MAEL: variants seen among roughly 807,000 people sequenced by gnomAD.
MAEL encodes the protein maelstrom spermatogenic transposon silencer.
In MAEL, 46 loss-of-function variants were observed where a neutral mutation model predicts 62.0. The observed-to-expected ratio is 0.74, with a 90% CI of 0.59 to 0.95. The LOEUF (loss-of-function observed/expected upper bound fraction) is 0.95. Ranked by LOEUF, MAEL falls within the 40% of genes least tolerant of loss-of-function variation. The pLI is 0.00. For synonymous variants in MAEL, 172 were observed against 175.5 expected (o/e 0.98, Z 0.16); for missense variants, 497 against 526.8 (o/e 0.94, Z 0.55).
At position 167,021,108 on chromosome 1, in the gene MAEL, A is replaced by G. The variant is rs778841082; in HGVS notation, c.1065A>G (p.Gly355=). 6.2e-7 allele frequency: 1 copy of G among 1,612,358 alleles called. No individual in the cohort carries two copies. Among genetic ancestry groups the G allele is most frequent in the Non-Finnish European group, 8.5e-7 (1 of 1,178,818 alleles). ...AGAAGCTAAGGGTTGGGAGTTCAGG[A>G]TTCTCTCATTTCAACTCTTCTAATG... is the stretch of plus-strand genomic sequence containing the variant. ...RYQKLRVGSS[G]FSHFNSSNEE... Residue 355 remains glycine, a synonymous_variant, in exon 11 of 12, where the codon GGA becomes GGG. Transcript: ENST00000367872.
chr1:166,997,611 G>A (rs898021384), intron 5 of MAEL, among the ~76,000 whole-genome samples: 6 of 152,146 alleles, frequency 3.9e-5, no homozygotes, highest in African/African-American at 1.4e-4. Flanking sequence ...TGCAGTCGTA[G>A]CTCACTGCAG....
rs1252574634 is a variant in MAEL at position 167,006,616 on chromosome 1, T to C, written c.845+1219T>C. On this transcript the variant is annotated intron_variant, in intron 8 of 11. Coordinates refer to ENST00000367872, the MANE Select transcript of MAEL (RefSeq NM_032858.3). Reference sequence around the variant, plus strand: ...TGGTTTTTTACTATATATATATATATATATATATATATATATATATACATT... The same window carrying C: ...TGGTTTTTTACTATATATATATATACATATATATATATATATATATACATT... Among the ~76,000 whole-genome samples the C allele has an allele frequency of 9.3e-4, 72 of 77,574 alleles. 4 individuals carry two copies. Among genetic ancestry groups the C allele is most frequent in the Non-Finnish European group, 1.3e-3 (49 of 38,694 alleles). The allele number at this position is 77,574 out of a possible 152,430, so 50.9% of individuals were successfully genotyped here.
Position 167,017,078 on chromosome 1 carries a change from C to G in MAEL, c.909-749C>G, listed in dbSNP as rs181792415. ...TAAGGCCTAGTATTTGATAGCACAACAGAGTGACTATAGTCAATAATAATT... is the reference window on the plus strand; with the variant it reads ...TAAGGCCTAGTATTTGATAGCACAAGAGAGTGACTATAGTCAATAATAATT... On this transcript the variant is annotated intron_variant, in intron 9 of 11. Coordinates refer to ENST00000367872, the MANE Select transcript of MAEL (RefSeq NM_032858.3). Among the ~76,000 whole-genome samples the G allele has an allele frequency of 1.3e-3, 202 of 152,202 alleles. 2 individuals carry two copies. The highest frequency in any genetic ancestry group is 4.5e-3 in the African/African-American group (185 of 41,542).
intron 5 of MAEL, among the ~76,000 whole-genome samples, chr1:167,002,578 C>T (rs1413712411): frequency 6.6e-6 from 1 of 152,138 alleles, no homozygotes; most frequent in South Asian, 2.1e-4. Context: ...AAGCTGGAGT[C>T]ACTAGCATCT....
intron 8 of MAEL, among the ~76,000 whole-genome samples, chr1:167,007,866 A>C (rs1352377265): frequency 6.6e-6 from 1 of 152,110 alleles, no homozygotes; most frequent in African/African-American, 2.4e-5. Context: ...TTAGTCTGAA[A>C]GTATATAGTC....
intron 5 of MAEL, among the ~76,000 whole-genome samples, chr1:166,994,974 ATTTT>A (rs944951589): frequency 9.1e-6 from 1 of 110,186 alleles, no homozygotes. Flanking sequence ...CCACCCAGTA[ATTTT>A]TTTTTTTTTT....
chr1:167,013,482 T>G (rs6655947), intron 8 of MAEL, among the ~76,000 whole-genome samples: 61,250 of 152,062 alleles, frequency 0.4, 13,441 homozygotes, highest in African/African-American at 0.59. Context: ...ACTGGGATTC[T>G]GGATGTAATA....
At chr1:166,984,992 G>A (rs1663871456), upstream of MAEL, among the ~76,000 whole-genome samples, 1 of 152,208 alleles carries the variant, frequency 6.6e-6, no homozygotes, top group Non-Finnish European at 1.5e-5. Context: ...GGAAATGAAT[G>A]TATCCAGTAG....
At chr1:167,004,076 A>G in intron 5 of MAEL, 104 bp from the exon 6 acceptor site, 4 of 961,456 alleles carry the variant, frequency 4.2e-6, no homozygotes, top group Non-Finnish European at 6.2e-6. Context: ...CAAGTACTTA[A>G]CTGTGTGTTA....
Position 167,004,246 on chromosome 1 carries a change from A to G in MAEL, c.590A>G (p.Gln197Arg). ...ERGHNQATVL[Q>R]NLYRFIHPNP... The stretch of plus-strand genomic sequence containing the variant: ...GGGCATAACCAAGCAACTGTGTTAC[A>G]AAACCTTTATAGATTTATTCATCCC... The change falls in exon 6 of 12, where the codon CAA becomes CGA. Residue 197 changes from glutamine (Q) to arginine (R), a missense_variant. Gln to Arg is a conservative substitution (Grantham distance 43, BLOSUM62 1). Coordinates refer to ENST00000367872, the MANE Select transcript of MAEL (RefSeq NM_032858.3). The G allele has an allele frequency of 6.2e-7, 1 of 1,609,784 alleles. No homozygotes were observed. The highest frequency in any genetic ancestry group is 8.5e-7 in the Non-Finnish European group (1 of 1,177,994).
intron 4 of MAEL, among the ~76,000 whole-genome samples, chr1:166,993,763 C>T (rs1200613198): frequency 6.6e-6 from 1 of 152,172 alleles, no homozygotes; most frequent in Non-Finnish European, 1.5e-5. Context: ...AGCTAAGACT[C>T]TTTTGACACA....
intron 5 of MAEL, among the ~76,000 whole-genome samples, chr1:167,001,754 CA>C (rs766800129): frequency 6.6e-6 from 1 of 152,122 alleles, no homozygotes; most frequent in Non-Finnish European, 1.5e-5. Context: ...TTCTGCATGT[CA>C]TATGATTTTT....
chr1:167,001,222 G>A (rs1664648377), intron 5 of MAEL, among the ~76,000 whole-genome samples: 1 of 152,112 alleles, frequency 6.6e-6, no homozygotes, highest in South Asian at 2.1e-4. Flanking sequence ...GGATGCAAAG[G>A]CATAAGAATG....
chr1:166,983,396 T>C (rs1410102032), intron 1 of MAEL, among the ~76,000 whole-genome samples: 1 of 152,188 alleles, frequency 6.6e-6, no homozygotes, highest in African/African-American at 2.4e-5. Context: ...CTTCACTCTC[T>C]CCTTAGATGA....
intron 5 of MAEL, among the ~76,000 whole-genome samples, chr1:166,995,883 G>A (rs889046388): frequency 2.0e-5 from 3 of 151,856 alleles, no homozygotes; most frequent in Admixed American, 6.6e-5. Flanking sequence ...TATTTTTGAC[G>A]ACCTATTTTT....
chr1:167,010,668 G>A (rs1354454814), intron 8 of MAEL, among the ~76,000 whole-genome samples: 1 of 152,026 alleles, frequency 6.6e-6, no homozygotes, highest in Non-Finnish European at 1.5e-5. Context: ...GGCTGGTGTC[G>A]AACTTCTGGC....
chr1:166,987,092 T>C (rs1165218881), upstream of MAEL, among the ~76,000 whole-genome samples: 1 of 152,028 alleles, frequency 6.6e-6, no homozygotes, highest in African/African-American at 2.4e-5. Flanking sequence ...TTTGATGAAT[T>C]TTGACAAATA....
intron 3 of MAEL, among the ~76,000 whole-genome samples, chr1:166,992,161 A>G (rs1379303836): frequency 6.6e-6 from 1 of 152,172 alleles, no homozygotes; most frequent in Non-Finnish European, 1.5e-5. Flanking sequence ...GTAAACTTTT[A>G]ACAGTCTTAA....
chr1:166,999,019 G>GC (rs1195616046), intron 5 of MAEL, among the ~76,000 whole-genome samples: 2 of 151,848 alleles, frequency 1.3e-5, no homozygotes, highest in African/African-American at 4.8e-5. Flanking sequence ...CCCCTGACTG[G>GC]CCATTGCCTC....
Sources: allele counts gnomAD v4.1 joint callset (sites outside exome capture counted in the v4.1 genomes callset), GRCh38; gene constraint gnomAD v4.1.1; transcripts MANE v1.5; gene names NCBI Gene and HGNC (gene_info 2026-07-23, HGNC 2026-07-21).